Variants in NME5 observed in about 807,000 individuals in gnomAD.
NME5 encodes the protein NME/NM23 family member 5, also known as nucleoside diphosphate kinase 5.
A neutral mutation model predicts 21.6 loss-of-function variants in NME5; 18 were observed. The ratio of observed to expected loss-of-function variants is 0.83; its 90% CI spans 0.58 to 1.24. The LOEUF (loss-of-function observed/expected upper bound fraction) is 1.24. NME5 is among the 50% of genes most tolerant of loss of function. The probability of loss-of-function intolerance (pLI) is 0.00; values close to 1 mark genes in which losing one functional copy is unlikely to be tolerated. For synonymous variants in NME5, 70 were observed against 80.6 expected, an observed-to-expected ratio of 0.87 and a Z score of 0.71; for missense variants, 223 against 255.4, an observed-to-expected ratio of 0.87 and a Z score of 0.86.
At chr5:138,137,734 C>T (rs1751731898) in intron 2 of NME5, among the ~76,000 whole-genome samples, 1 of 151,744 alleles carries the variant, frequency 6.6e-6, no homozygotes, top group East Asian at 1.9e-4. Context: ...GGTGCAGTGG[C>T]TCACACCTGT....
At position 138,128,534 on chromosome 5, in the gene NME5, A is replaced by G; in HGVS notation, c.381T>C (p.His127=). The change falls in exon 4 of 6, where the codon CAT becomes CAC. Residue 127 remains histidine (H), a synonymous_variant. Transcript: ENST00000265191. Reference sequence around the variant, plus strand: ...CCGCAGCAGCAAAGTCATTACTCCCATGAAGTGCATTCCTTAGGTCATCTG... The same window carrying G: ...CCGCAGCAGCAAAGTCATTACTCCCGTGAAGTGCATTCCTTAGGTCATCTG... ...YGTDDLRNAL[H]GSNDFAAAER... is the part of the protein sequence containing the mutation. 1 of 1,613,230 alleles carries G rather than the reference A, an allele frequency of 6.2e-7. No individual in the cohort carries two copies. Among genetic ancestry groups the G allele is most frequent in the Non-Finnish European group, 8.5e-7 (1 of 1,179,758 alleles).
intron 4 of NME5, among the ~76,000 whole-genome samples, chr5:138,119,579 C>A (rs1236442713): frequency 6.6e-6 from 1 of 152,182 alleles, no homozygotes; most frequent in Non-Finnish European, 1.5e-5. Context: ...AAATAATCTG[C>A]CTGCCTCAGC....
At position 138,138,723 on chromosome 5, in the gene NME5, T is replaced by C. The variant is rs1208109751; in HGVS notation, c.58A>G (p.Lys20Glu). 6.2e-7 allele frequency: 1 copy of C among 1,612,858 alleles called. No individual in the cohort carries two copies. The highest frequency in any genetic ancestry group is 8.5e-7 in the Non-Finnish European group (1 of 1,179,476). Residue 20 changes from lysine to glutamate, a missense_variant, in exon 2 of 6, where the codon AAA becomes GAA. Transcript: ENST00000265191. Reference sequence around the variant, plus strand: ...TCCTCTTTGTCAACAATATCTGGTTTGATAATGGCCAGAGTTTTTTCTACA... The same window carrying C: ...TCCTCTTTGTCAACAATATCTGGTTCGATAATGGCCAGAGTTTTTTCTACA... ...IYVEKTLAII[K>E]PDIVDKEEEI...
At chr5:138,124,597 T>C (rs1231619319) in intron 4 of NME5, among the ~76,000 whole-genome samples, 4 of 152,132 alleles carry the variant, frequency 2.6e-5, no homozygotes, top group Non-Finnish European at 4.4e-5. Context: ...TGCAGCTCAC[T>C]GCGGCCTCGA....
intron 4 of NME5, among the ~76,000 whole-genome samples, chr5:138,124,312 T>C (rs558538624): frequency 5.9e-4 from 89 of 152,096 alleles, no homozygotes; most frequent in African/African-American, 2.0e-3. Flanking sequence ...CTTAAGCACC[T>C]TTTCATATAC....
At chr5:138,126,665 A>G (rs1210963305) in intron 4 of NME5, among the ~76,000 whole-genome samples, 1 of 151,928 alleles carries the variant, frequency 6.6e-6, no homozygotes, top group Non-Finnish European at 1.5e-5. Flanking sequence ...AGCTAAAGAG[A>G]AGTCAGGCAT....
At chr5:138,128,641 T>G in intron 3 of NME5, 62 bp from the exon 4 acceptor site, 2 of 1,080,612 alleles carry the variant, frequency 1.9e-6, no homozygotes, top group Non-Finnish European at 2.7e-6. Flanking sequence ...TTTATATGCA[T>G]GCATTCCACT....
At chr5:138,115,931 A>T (rs2151155357) in intron 5 of NME5, among the ~76,000 whole-genome samples, 167 bp from the exon 6 acceptor site, 1 of 152,342 alleles carries the variant, frequency 6.6e-6, no homozygotes, top group East Asian at 1.9e-4. Flanking sequence ...TCAAGAATAG[A>T]TCCAAACTGG....
chr5:138,123,466 T>C (rs907515830), intron 4 of NME5, among the ~76,000 whole-genome samples: 2 of 152,188 alleles, frequency 1.3e-5, no homozygotes, highest in African/African-American at 4.8e-5. Flanking sequence ...TCATGTGATA[T>C]CTGTCTTTCT....
At chr5:138,133,016 C>T (rs1026606197) in intron 2 of NME5, among the ~76,000 whole-genome samples, 4 of 151,826 alleles carry the variant, frequency 2.6e-5, no homozygotes, top group Non-Finnish European at 4.4e-5. Context: ...TTATCTGCCA[C>T]TTGCCCCTTA....
In NME5 at chr5:138,122,441, TAAAAA is replaced by T. The variant is rs70979581; in HGVS notation, c.437-3510_437-3506del. Among the ~76,000 whole-genome samples, 319 of 34,456 alleles carry T rather than the reference TAAAAA, an allele frequency of 9.3e-3. 2 individuals are homozygous for T. Among genetic ancestry groups the T allele is most frequent in the African/African-American group, 0.022 (206 of 9,272 alleles). The allele number at this position is 34,456 out of a possible 152,430, so 22.6% of individuals were successfully genotyped here. A position where few individuals can be genotyped will look rare whatever the true frequency, so the allele number is the denominator to read the frequency against. On this transcript the variant is annotated intron_variant, in intron 4 of 5. Coordinates refer to ENST00000265191, the MANE Select transcript of NME5 (RefSeq NM_003551.3). ...GGTGACAAGAGCGAAACTCTGTCTC[TAAAAA>T]AAAAAAAAAAAAAAAAAAAAAAATT...
At chr5:138,139,031 G>A (rs55788730) in intron 1 of NME5, 152 of 317,748 alleles carry the variant, frequency 4.8e-4, no homozygotes, top group African/African-American at 3.2e-3. Context: ...AAGGCAGGAA[G>A]GACTATGGGC....
Position 138,129,449 on chromosome 5 carries a change from C to T in NME5, c.149G>A (p.Ser50Asn), listed in dbSNP as rs150169245. 1,670 of 1,613,880 alleles carry T rather than the reference C, an allele frequency of 1.0e-3. 6 individuals carry two copies. Among genetic ancestry groups the T allele is most frequent in the Non-Finnish European group, 1.3e-3 (1,547 of 1,179,854 alleles). ...TIVQRRKLRL[S>N]PEQCSNFYVE... is the part of the protein sequence containing the mutation. ...ATAAAAGTTACTACATTGCTCAGGG[C>T]TGAGGCGTAGTTTTCTTCTCTATAA... is the stretch of plus-strand genomic sequence containing the variant. The change falls in exon 3 of 6, where the codon AGC becomes AAC. Residue 50 changes from serine (S) to asparagine (N), a missense_variant. Physicochemically the swap from Ser to Asn is conservative, Grantham distance 46. Transcript: ENST00000265191.
rs535912936 is a variant in NME5, at chr5:138,120,227, GCTCT to G, written c.437-1295_437-1292del. 4.8e-3 allele frequency among the ~76,000 whole-genome samples: 563 copies of G among 118,044 alleles called. 11 individuals carry two copies. The highest frequency in any genetic ancestry group is 0.015 in the African/African-American group (449 of 30,208). The allele number at this position is 118,044 out of a possible 152,430, so 77.4% of individuals were successfully genotyped here. A position where few individuals can be genotyped will look rare whatever the true frequency, so the allele number is the denominator to read the frequency against. ...TTACAGGTGCAAACCACTGCTCCCAGCTCTTTTTTTTTTTTTTTTTTTTTTGAGA... is the reference window on the plus strand; with the variant it reads ...TTACAGGTGCAAACCACTGCTCCCAGTTTTTTTTTTTTTTTTTTTTTGAGA... On this transcript the variant is annotated intron_variant, in intron 4 of 5. Transcript: ENST00000265191.
chr5:138,132,165 G>C (rs573965570), intron 2 of NME5, among the ~76,000 whole-genome samples: 2 of 152,124 alleles, frequency 1.3e-5, no homozygotes, highest in African/African-American at 2.4e-5. Context: ...TTCAACACCA[G>C]CCTGGGCCAC....
intron 2 of NME5, among the ~76,000 whole-genome samples, chr5:138,136,848 G>C (rs951979839): frequency 6.6e-6 from 1 of 151,780 alleles, no homozygotes. Flanking sequence ...TCTCCATGTT[G>C]GTCAGGCTGG....
chr5:138,126,510 C>CA lies in NME5; in HGVS notation c.436+1968dup, dbSNP rs57938582. On this transcript the variant is annotated intron_variant, in intron 4 of 5. Coordinates refer to ENST00000265191, the MANE Select transcript of NME5 (RefSeq NM_003551.3). Reference sequence around the variant, plus strand: ...TGGGCAACAGAGTGAGAATCTATCTCAAAAAAAAAAAAAAAAAAAAAAAAA... The same window carrying CA: ...TGGGCAACAGAGTGAGAATCTATCTCAAAAAAAAAAAAAAAAAAAAAAAAAA... Among the ~76,000 whole-genome samples the CA allele has an allele frequency of 4.4e-3, 238 of 54,210 alleles. 20 individuals are homozygous for CA. The highest frequency in any genetic ancestry group is 0.034 in the East Asian group (57 of 1,674). The allele number at this position is 54,210 out of a possible 152,430, so 35.6% of individuals were successfully genotyped here. A position where few individuals can be genotyped will look rare whatever the true frequency, so the allele number is the denominator to read the frequency against.
intron 2 of NME5, among the ~76,000 whole-genome samples, chr5:138,131,204 T>TAAAAAAAAAAAAAAAA (rs762579967): frequency 3.0e-4 from 24 of 80,878 alleles, no homozygotes; most frequent in African/African-American, 1.2e-3. Flanking sequence ...CCGTCTCTGC[T>TAAAAAAAAAAAAAAAA]AAAAAAAAAA....
intron 5 of NME5, among the ~76,000 whole-genome samples, chr5:138,118,470 A>G (rs1751212058): frequency 6.7e-6 from 1 of 149,776 alleles, no homozygotes; most frequent in African/African-American, 2.5e-5. Context: ...CGTGAAAACT[A>G]CAGACAATTT....
Sources: gnomAD v4.1 joint callset for allele counts (sites outside exome capture counted in the v4.1 genomes callset) on GRCh38, gnomAD v4.1.1 for gene constraint, MANE v1.5 for transcripts, NCBI Gene and HGNC (gene_info 2026-07-23, HGNC 2026-07-21) for gene names.